CCBE1: variants seen among roughly 807,000 people sequenced by gnomAD.
CCBE1 encodes the protein collagen and calcium binding EGF domains 1.
A neutral mutation model predicts 50.0 loss-of-function variants in CCBE1; 37 were observed. The ratio of observed to expected loss-of-function variants is 0.74; its 90% CI spans 0.57 to 0.97. CCBE1 has a LOEUF of 0.97. CCBE1 is among the 50% of genes least tolerant of loss of function. CCBE1 has a pLI of 0.00. For synonymous variants in CCBE1, 234 were observed against 203.7 expected (o/e 1.15, Z -1.27); for missense variants, 538 against 523.8 (o/e 1.03, Z -0.26).
chr18:59,438,087 A>T, intron 10 of CCBE1, 24 bp downstream of exon 10: 1 of 1,613,666 alleles, frequency 6.2e-7, no homozygotes, highest in Non-Finnish European at 8.5e-7. Flanking sequence ...CCCCTGGGGA[A>T]GCAGGACACA....
chr18:59,472,646 GC>G (rs1267406314), intron 3 of CCBE1, among the ~76,000 whole-genome samples: 4 of 152,186 alleles, frequency 2.6e-5, no homozygotes, highest in South Asian at 2.1e-4. Context: ...CCAGCCTACA[GC>G]TGCCTCCATG....
At chr18:59,474,331 A>G (rs1912208189) in intron 3 of CCBE1, among the ~76,000 whole-genome samples, 1 of 152,236 alleles carries the variant, frequency 6.6e-6, no homozygotes, top group Non-Finnish European at 1.5e-5. Flanking sequence ...CGGTGTATTT[A>G]AAACAGATTA....
In CCBE1 at chr18:59,435,604, AG is replaced by A. The variant is rs1474967571; in HGVS notation, c.*303del. On this transcript the variant is annotated 3_prime_UTR_variant, in exon 11 of 11. Coordinates refer to ENST00000439986, the MANE Select transcript of CCBE1 (RefSeq NM_133459.4). ...AATTTATGATTTAAGACACTGTGAG[AG>A]TACTTAAATCCAAAGTTCCTGGAAA... The A allele has an allele frequency of 8.6e-5, 37 of 431,436 alleles. No homozygotes were observed. The highest frequency in any genetic ancestry group is 1.3e-4 in the Non-Finnish European group (30 of 233,302). 26.7% of individuals were successfully genotyped at this position (431,436 alleles called of 1,614,324 possible). A position where few individuals can be genotyped will look rare whatever the true frequency, so the allele number is the denominator to read the frequency against.
At chr18:59,581,721 T>C (rs915245030) in intron 2 of CCBE1, among the ~76,000 whole-genome samples, 5 of 152,214 alleles carry the variant, frequency 3.3e-5, no homozygotes, top group Non-Finnish European at 5.9e-5. Context: ...ACTTCTTCCC[T>C]GGGGAATTGG....
At chr18:59,552,869 C>T (rs773680898) in intron 2 of CCBE1, among the ~76,000 whole-genome samples, 1 of 152,142 alleles carries the variant, frequency 6.6e-6, no homozygotes, top group Non-Finnish European at 1.5e-5. Context: ...GAGTTTCCTC[C>T]TTGAATTGAT....
intron 2 of CCBE1, among the ~76,000 whole-genome samples, chr18:59,580,525 G>A (rs1303687808): frequency 6.6e-6 from 1 of 152,188 alleles, no homozygotes; most frequent in Non-Finnish European, 1.5e-5. Context: ...TAAATTAACT[G>A]AGACTTGTCT....
chr18:59,569,835 T>A (rs115561643), intron 2 of CCBE1, among the ~76,000 whole-genome samples: 1,794 of 152,278 alleles, frequency 0.012, 34 homozygotes, highest in African/African-American at 0.04. Flanking sequence ...CTTGCTCTGT[T>A]ACCCAGGCTG....
intron 2 of CCBE1, among the ~76,000 whole-genome samples, chr18:59,610,770 C>T (rs1485094578): frequency 7.6e-6 from 1 of 131,762 alleles, no homozygotes. Flanking sequence ...GAGCCTCACA[C>T]AGAGGCCAAA....
At chr18:59,603,735 A>T (rs555363231) in intron 2 of CCBE1, among the ~76,000 whole-genome samples, 1 of 152,332 alleles carries the variant, frequency 6.6e-6, no homozygotes, top group East Asian at 1.9e-4. Context: ...CACCAATTTT[A>T]TTTTAGGAGA....
In CCBE1 at chr18:59,574,494, T is replaced by C. The variant is rs148706381; in HGVS notation, c.213-94256A>G. ...TTGGCCTAACATGACTTGTTATAAA[T>C]TGAGTCAAAACCACGAGCTGATTTC... On this transcript the variant is annotated intron_variant, in intron 2 of 10. Transcript: ENST00000439986. Among the ~76,000 whole-genome samples, 299 of 152,308 alleles carry C rather than the reference T, an allele frequency of 2.0e-3. 4 individuals are homozygous for C. The East Asian group carries it at 0.03, about 15-fold the overall frequency.
At chr18:59,642,885 G>A (rs748486601) in intron 2 of CCBE1, among the ~76,000 whole-genome samples, 1 of 145,632 alleles carries the variant, frequency 6.9e-6, no homozygotes. Context: ...GGAGGCGGAG[G>A]TTGCAGTGAA....
intron 2 of CCBE1, among the ~76,000 whole-genome samples, chr18:59,652,367 C>T (rs529706911): frequency 1.5e-4 from 23 of 152,316 alleles, no homozygotes; most frequent in African/African-American, 5.5e-4. Context: ...ACCGTTGGGA[C>T]TCTGCCACTT....
intron 5 of CCBE1, among the ~76,000 whole-genome samples, chr18:59,464,255 G>C (rs1173153345): frequency 6.6e-6 from 1 of 152,158 alleles, no homozygotes; most frequent in African/African-American, 2.4e-5. Context: ...GGCCAACATG[G>C]TGAAACTACT....
rs1910004951 is a variant in CCBE1 at position 59,433,250 on chromosome 18, G to A, written c.*2658C>T. On this transcript the variant is annotated 3_prime_UTR_variant, in exon 11 of 11. Transcript: ENST00000439986. ...GGTTACTGCCCTTCTAGGGGAAAGT[G>A]CCACATTTAATAAAACTTATTTTTT... 1 of 141,456 alleles carries A rather than the reference G, an allele frequency of 7.1e-6. No homozygotes were observed. The highest frequency in any genetic ancestry group is 2.7e-5 in the African/African-American group (1 of 37,112). 8.8% of individuals were successfully genotyped at this position (141,456 alleles called of 1,614,324 possible).
At chr18:59,690,547 T>G (rs2054716174) in intron 2 of CCBE1, among the ~76,000 whole-genome samples, 1 of 152,168 alleles carries the variant, frequency 6.6e-6, no homozygotes, top group Non-Finnish European at 1.5e-5. Flanking sequence ...ATATCTAGAA[T>G]CAAGAAAGAG....
At chr18:59,625,261 C>G (rs979824807) in intron 2 of CCBE1, among the ~76,000 whole-genome samples, 3 of 150,952 alleles carry the variant, frequency 2.0e-5, no homozygotes, top group African/African-American at 7.3e-5. Flanking sequence ...GAAACCCCAT[C>G]TCTACTAAAA....
At chr18:59,494,784 G>C (rs748322890) in intron 2 of CCBE1, among the ~76,000 whole-genome samples, 150 of 152,186 alleles carry the variant, frequency 9.9e-4, no homozygotes, top group Non-Finnish European at 3.2e-4. Context: ...GCTATAGGCA[G>C]CTCCAGGGCA....
rs1036255638 is a variant in CCBE1, at chr18:59,689,809, A to G, written c.212+6820T>C. ...CACCTCCTCTTTGTAATGCTTTCAC[A>G]TTGCAATAATTCTTGGAAGAAACTT... On this transcript the variant is annotated intron_variant, in intron 2 of 10. Coordinates refer to ENST00000439986, the MANE Select transcript of CCBE1 (RefSeq NM_133459.4). 3.9e-5 allele frequency among the ~76,000 whole-genome samples: 6 copies of G among 152,334 alleles called. No homozygotes were observed. In the East Asian group the frequency reaches 1.2e-3, roughly 29 times the overall value.
At chr18:59,555,180 T>C (rs1171129944) in intron 2 of CCBE1, among the ~76,000 whole-genome samples, 2 of 152,178 alleles carry the variant, frequency 1.3e-5, no homozygotes, top group Admixed American at 1.3e-4. Context: ...TTGGAACACT[T>C]TTTTCTTGAA....
Sources: allele counts gnomAD v4.1 joint callset (sites outside exome capture counted in the v4.1 genomes callset), GRCh38; gene constraint gnomAD v4.1.1; transcripts MANE v1.5; gene names NCBI Gene and HGNC (gene_info 2026-07-23, HGNC 2026-07-21).